Variants in PACRG observed in about 807,000 individuals in gnomAD.
The protein encoded by PACRG is parkin coregulated, also known as parkin coregulated gene protein.
PACRG carries 29 observed loss-of-function variants against 29.7 expected under a neutral mutation model. That is an observed-to-expected ratio of 0.98 (90% CI 0.73 to 1.33). The LOEUF is 1.33. Among genes scored for constraint, PACRG ranks in the 40% most tolerant of loss-of-function variants. PACRG has a pLI of 0.00. For synonymous variants in PACRG, 116 were observed against 118.7 expected, an observed-to-expected ratio of 0.98 and a Z score of 0.15; for missense variants, 279 against 316.2, an observed-to-expected ratio of 0.88 and a Z score of 0.89.
At chr6:163,245,906 C>T (rs1435804927) in intron 4 of PACRG, among the ~76,000 whole-genome samples, 1 of 152,144 alleles carries the variant, frequency 6.6e-6, no homozygotes, top group African/African-American at 2.4e-5. Flanking sequence ...CATTCCTTCA[C>T]CTTTACCTCC....
chr6:162,995,562 G>T (rs558633527), intron 2 of PACRG, among the ~76,000 whole-genome samples: 1 of 152,200 alleles, frequency 6.6e-6, no homozygotes, highest in Non-Finnish European at 1.5e-5. Context: ...GACCCCTTGC[G>T]CTTCCCACGT....
At chr6:162,856,015 T>C (rs1791358176) in intron 2 of PACRG, among the ~76,000 whole-genome samples, 1 of 152,092 alleles carries the variant, frequency 6.6e-6, no homozygotes, top group African/African-American at 2.4e-5. Context: ...CACTTATCCT[T>C]GTTCAGGTCC....
At chr6:163,154,655 T>C (rs545644249) in intron 4 of PACRG, among the ~76,000 whole-genome samples, 91 of 152,344 alleles carry the variant, frequency 6.0e-4, no homozygotes, top group African/African-American at 2.2e-3. Context: ...ACCCAGTTAA[T>C]TTGAATTTCA....
chr6:162,747,353 TATATATATATACAC>T (rs1216735815), intron 1 of PACRG, among the ~76,000 whole-genome samples: 3 of 74,798 alleles, frequency 4.0e-5, no homozygotes, highest in African/African-American at 2.2e-4. Context: ...TATATATATA[TATATATATATACAC>T]ATACATATAT....
At chr6:162,988,794 G>A (rs1291388837) in intron 2 of PACRG, among the ~76,000 whole-genome samples, 1 of 151,572 alleles carries the variant, frequency 6.6e-6, no homozygotes, top group Non-Finnish European at 1.5e-5. Context: ...GAATTTAAAA[G>A]TTTACAAAGA....
intron 2 of PACRG, among the ~76,000 whole-genome samples, chr6:162,980,037 A>G (rs1179584599): frequency 1.3e-5 from 2 of 152,134 alleles, no homozygotes; most frequent in Non-Finnish European, 2.9e-5. Flanking sequence ...AGTTTTAGAA[A>G]GATATGTAGT....
intron 3 of PACRG, among the ~76,000 whole-genome samples, chr6:163,082,985 T>G (rs1042336994): frequency 6.6e-6 from 1 of 152,232 alleles, no homozygotes; most frequent in African/African-American, 2.4e-5. Context: ...GCTTTTAGGT[T>G]TATTGCCAAA....
In PACRG at chr6:162,854,695, T is replaced by C. The variant is rs193186420; in HGVS notation, c.291+40414T>C. On this transcript the variant is annotated intron_variant, in intron 2 of 4. Coordinates refer to ENST00000366888, the MANE Select transcript of PACRG (RefSeq NM_001080379.2). ...GAGAGTATGACTAAAAAGGCCTCTG[T>C]ACGGCTAGTTATAAACCTTTCAGTT... Among the ~76,000 whole-genome samples, 65 of 152,342 alleles carry C rather than the reference T, an allele frequency of 4.3e-4. No individual in the cohort carries two copies. The East Asian group carries it at 0.012, about 28-fold the overall frequency.
chr6:162,750,659 T>A (rs1781445326), intron 1 of PACRG, among the ~76,000 whole-genome samples: 2 of 152,218 alleles, frequency 1.3e-5, no homozygotes, highest in African/African-American at 2.4e-5. Flanking sequence ...ATATAGTCAC[T>A]GCCAGTGTGT....
chr6:163,266,870 C>T, intron 4 of PACRG, among the ~76,000 whole-genome samples: 1 of 152,122 alleles, frequency 6.6e-6, no homozygotes, highest in East Asian at 1.9e-4. Context: ...TTCCCTCTTC[C>T]CGGGCAGCAC....
At chr6:163,099,758 G>T (rs1277353220) in intron 4 of PACRG, among the ~76,000 whole-genome samples, 1 of 152,204 alleles carries the variant, frequency 6.6e-6, no homozygotes, top group Non-Finnish European at 1.5e-5. Flanking sequence ...TTTAAAGGGG[G>T]TGAGAGACAA....
At chr6:163,272,889 A>ATTTTTTTTTTT (rs1301093605) in intron 4 of PACRG, among the ~76,000 whole-genome samples, 124 of 117,292 alleles carry the variant, frequency 1.1e-3, no homozygotes, top group Middle Eastern at 4.1e-3. Flanking sequence ...ATGATGCATC[A>ATTTTTTTTTTT]TTCTTTTTTT....
intron 1 of PACRG, among the ~76,000 whole-genome samples, chr6:162,747,573 G>C (rs566812373): frequency 6.8e-6 from 1 of 146,590 alleles, no homozygotes; most frequent in East Asian, 2.0e-4. Flanking sequence ...AGTACACTGG[G>C]TATATTAGAC....
intron 3 of PACRG, among the ~76,000 whole-genome samples, chr6:163,086,454 C>T (rs943948451): frequency 3.3e-5 from 5 of 152,144 alleles, no homozygotes; most frequent in African/African-American, 1.2e-4. Flanking sequence ...AATGAGCCAT[C>T]ATGCTGCTGA....
At chr6:162,938,985 G>A (rs755873010) in intron 2 of PACRG, among the ~76,000 whole-genome samples, 4 of 152,096 alleles carry the variant, frequency 2.6e-5, no homozygotes, top group Non-Finnish European at 2.9e-5. Flanking sequence ...TCCTTTTGCC[G>A]TGCAAAAGCT....
chr6:162,964,689 G>A (rs1427178067), intron 2 of PACRG, among the ~76,000 whole-genome samples: 1 of 152,184 alleles, frequency 6.6e-6, no homozygotes. Context: ...CATGATCAAT[G>A]CCTTATGCAG....
chr6:163,131,920 C>T (rs1816757595), intron 4 of PACRG, among the ~76,000 whole-genome samples: 1 of 152,132 alleles, frequency 6.6e-6, no homozygotes, highest in Admixed American at 6.5e-5. Context: ...TTTACTATAT[C>T]ACATTAATTT....
At chr6:163,294,957 T>C (rs1045630930) in intron 4 of PACRG, among the ~76,000 whole-genome samples, 10 of 152,224 alleles carry the variant, frequency 6.6e-5, no homozygotes, top group African/African-American at 2.4e-4. Context: ...AACTTAACCT[T>C]TCTGTACCAT....
chr6:162,819,800 T>A (rs1787685279), intron 2 of PACRG, among the ~76,000 whole-genome samples: 1 of 152,246 alleles, frequency 6.6e-6, no homozygotes, highest in African/African-American at 2.4e-5. Context: ...ATGGCCCTTT[T>A]AAATTATGAG....
Sources: allele counts gnomAD v4.1 joint callset (sites outside exome capture counted in the v4.1 genomes callset), GRCh38; gene constraint gnomAD v4.1.1; transcripts MANE v1.5; gene names NCBI Gene and HGNC (gene_info 2026-07-23, HGNC 2026-07-21).